ADGRV1: variants seen among roughly 807,000 people sequenced by gnomAD.
The protein encoded by ADGRV1 is G-protein coupled receptor 98.
ADGRV1 carries 359 observed loss-of-function variants against 596.2 expected under a neutral mutation model. That is an observed-to-expected ratio of 0.60 (90% CI 0.55 to 0.66). ADGRV1 has a LOEUF of 0.66. Among genes scored for constraint, ADGRV1 ranks in the 30% least tolerant of loss-of-function variants. The probability of loss-of-function intolerance (pLI) is 0.00; values close to 1 mark genes in which losing one functional copy is unlikely to be tolerated. For synonymous variants in ADGRV1, 2,681 were observed against 2,679.2 expected (o/e 1.00, Z -0.02); for missense variants, 7,274 against 7,575.6 (o/e 0.96, Z 1.48).
At chr5:90,623,628 G>T (rs1209711697) in intron 5 of ADGRV1, among the ~76,000 whole-genome samples, 1 of 152,168 alleles carries the variant, frequency 6.6e-6, no homozygotes, top group East Asian at 1.9e-4. Flanking sequence ...GCCCAGGCTG[G>T]TTTTGAACTC....
chr5:90,916,597 G>A (rs1000487215), intron 83 of ADGRV1, among the ~76,000 whole-genome samples: 1 of 150,770 alleles, frequency 6.6e-6, no homozygotes, highest in African/African-American at 2.4e-5. Context: ...TAATTTTATA[G>A]GGAATATTTT....
At chr5:91,041,954 G>A (rs1785398651) in intron 85 of ADGRV1, among the ~76,000 whole-genome samples, 1 of 152,132 alleles carries the variant, frequency 6.6e-6, no homozygotes, top group Admixed American at 6.5e-5. Flanking sequence ...GGAGAACTTA[G>A]GGGATGTGGC....
chr5:90,884,963 G>A lies in ADGRV1; in HGVS notation c.17856+21106G>A, dbSNP rs557054579. Among the ~76,000 whole-genome samples, 9 of 152,252 alleles carry A rather than the reference G, an allele frequency of 5.9e-5. No homozygotes were observed. The East Asian group carries it at 1.2e-3, about 20-fold the overall frequency. On this transcript the variant is annotated intron_variant, in intron 83 of 89. Coordinates refer to ENST00000405460, the MANE Select transcript of ADGRV1 (RefSeq NM_032119.4). The stretch of plus-strand genomic sequence containing the variant: ...ACAATGGCCTGGGGAGTTTAGTACA[G>A]GGGCACTGAGGTCCTGTGGGTTGAG...
At chr5:90,573,673 T>C (rs1339923161) in intron 1 of ADGRV1, among the ~76,000 whole-genome samples, 1 of 152,186 alleles carries the variant, frequency 6.6e-6, no homozygotes, top group Non-Finnish European at 1.5e-5. Flanking sequence ...ACTGCCAAAA[T>C]GAGAAATAAA....
intron 82 of ADGRV1, among the ~76,000 whole-genome samples, chr5:90,859,113 A>G (rs1299564855): frequency 6.6e-6 from 1 of 152,114 alleles, no homozygotes; most frequent in Non-Finnish European, 1.5e-5. Context: ...GACATATACT[A>G]GTTCATTGGT....
intron 21 of ADGRV1, among the ~76,000 whole-genome samples, chr5:90,664,704 G>A (rs1234854707): frequency 7.5e-6 from 1 of 133,552 alleles, no homozygotes; most frequent in Non-Finnish European, 1.6e-5. Flanking sequence ...TTTTCAAAGG[G>A]AATGCTTCCA....
chr5:90,871,425 T>A (rs763443972), intron 83 of ADGRV1, among the ~76,000 whole-genome samples: 1 of 152,186 alleles, frequency 6.6e-6, no homozygotes, highest in African/African-American at 2.4e-5. Flanking sequence ...TCTCACTACA[T>A]TGAAAATAAG....
chr5:90,824,736 C>G (rs1333197077), intron 76 of ADGRV1, among the ~76,000 whole-genome samples: 1 of 152,122 alleles, frequency 6.6e-6, no homozygotes, highest in African/African-American at 2.4e-5. Flanking sequence ...CCAATTTTAC[C>G]ATAGACTAAT....
At chr5:90,715,637 T>C (rs1205730612) in intron 42 of ADGRV1, among the ~76,000 whole-genome samples, 1 of 137,136 alleles carries the variant, frequency 7.3e-6, no homozygotes, top group East Asian at 2.2e-4. Flanking sequence ...GTTGCTATTG[T>C]GAATAAGGTC....
In ADGRV1 at chr5:90,696,956, C is replaced by A; in HGVS notation, c.7965C>A (p.Val2655=). The A allele has an allele frequency of 6.2e-7, 1 of 1,610,546 alleles. No homozygotes were observed. Among genetic ancestry groups the A allele is most frequent in the South Asian group, 1.1e-5 (1 of 90,506 alleles). Reference sequence around the variant, plus strand: ...TTATAGGTGAAACCAAAAAGACAGTCATTTTAACCATCTTGGATGACTCTG... The same window carrying A: ...TTATAGGTGAAACCAAAAAGACAGTAATTTTAACCATCTTGGATGACTCTG... ...TFAEGETKKT[V]ILTILDDSEP... The change falls in exon 34 of 90, where the codon GTC becomes GTA. Residue 2655 remains valine, a synonymous_variant. Transcript: ENST00000405460.
intron 1 of ADGRV1, among the ~76,000 whole-genome samples, chr5:90,568,518 T>C (rs1345151502): frequency 1.3e-5 from 2 of 152,172 alleles, no homozygotes; most frequent in Admixed American, 1.3e-4. Flanking sequence ...TGAGACTTGG[T>C]TTAGGACCTT....
At chr5:91,134,143 G>A (rs1248600437) in intron 87 of ADGRV1, among the ~76,000 whole-genome samples, 1 of 151,604 alleles carries the variant, frequency 6.6e-6, no homozygotes, top group African/African-American at 2.4e-5. Flanking sequence ...AGAGAACTCT[G>A]TTTCTTCTGG....
At chr5:90,820,848 A>G (rs1192333924) in intron 75 of ADGRV1, among the ~76,000 whole-genome samples, 2 of 151,472 alleles carry the variant, frequency 1.3e-5, no homozygotes, top group African/African-American at 4.9e-5. Flanking sequence ...TGCCCTTAAC[A>G]TTTTTTCCTT....
chr5:91,153,096 T>C (rs1345649068), intron 88 of ADGRV1, 125 bp from the exon 89 acceptor site: 2 of 684,532 alleles, frequency 2.9e-6, no homozygotes, highest in African/African-American at 3.6e-5. Flanking sequence ...TTCAAAACAA[T>C]GCCACTGCCG....
intron 85 of ADGRV1, among the ~76,000 whole-genome samples, chr5:91,030,546 ATT>A (rs371380968): frequency 3.4e-5 from 5 of 146,148 alleles, no homozygotes; most frequent in African/African-American, 1.3e-4. Context: ...TTCTATTTTT[ATT>A]GAGTCACTTT....
intron 87 of ADGRV1, among the ~76,000 whole-genome samples, chr5:91,143,126 C>G (rs1221428526): frequency 6.6e-6 from 1 of 152,188 alleles, no homozygotes; most frequent in Admixed American, 6.5e-5. Context: ...AGGCATCCCG[C>G]AAGTAGCTTC....
chr5:90,679,508 T>C (rs746829918), intron 25 of ADGRV1, 41 bp from the exon 26 acceptor site: 11 of 1,413,208 alleles, frequency 7.8e-6, no homozygotes, highest in Non-Finnish European at 4.0e-6. Flanking sequence ...ATTGTGTCAA[T>C]GTGTGTTGTG....
At chr5:90,617,708 A>T in intron 2 of ADGRV1, 96 bp from the exon 3 acceptor site, 1 of 1,040,322 alleles carries the variant, frequency 9.6e-7, no homozygotes. Flanking sequence ...ATGTCACTTG[A>T]TTTATGCTTT....
At chr5:90,832,963 G>A (rs999317997) in intron 77 of ADGRV1, among the ~76,000 whole-genome samples, 2 of 152,040 alleles carry the variant, frequency 1.3e-5, no homozygotes, top group African/African-American at 4.8e-5. Context: ...TGGTCTATAT[G>A]TCTGTTTTTA....
Sources: gnomAD v4.1 joint callset for allele counts (sites outside exome capture counted in the v4.1 genomes callset) on GRCh38, gnomAD v4.1.1 for gene constraint, MANE v1.5 for transcripts, NCBI Gene and HGNC (gene_info 2026-07-23, HGNC 2026-07-21) for gene names.